Variants in MAPK11 observed in about 807,000 individuals in gnomAD.
MAPK11 encodes MAP kinase 11.
In MAPK11, 44 loss-of-function variants were observed where a neutral mutation model predicts 52.2. That is an observed-to-expected ratio of 0.84 (90% CI 0.66 to 1.08). The LOEUF (loss-of-function observed/expected upper bound fraction) is 1.08, where lower values mean the gene tolerates loss of function less well. Ranked by LOEUF, MAPK11 falls within the 50% of genes least tolerant of loss-of-function variation. The probability of loss-of-function intolerance (pLI) is 0.00; values close to 1 mark genes in which losing one functional copy is unlikely to be tolerated. For missense variants in MAPK11, 436 were observed against 494.7 expected, an observed-to-expected ratio of 0.88 and a Z score of 1.13; for synonymous variants, 233 against 206.3, an observed-to-expected ratio of 1.13 and a Z score of -1.11.
At chr22:50,266,467 G>A (rs2065262783) in intron 8 of MAPK11, 73 bp downstream of exon 8, 1 of 1,453,940 alleles carries the variant, frequency 6.9e-7, no homozygotes, top group African/African-American at 1.4e-5. Flanking sequence ...CCCGCCAGAA[G>A]GGGCCAGCGC....
At chr22:50,266,514 T>G in intron 8 of MAPK11, 26 bp downstream of exon 8, 1 of 1,514,058 alleles carries the variant, frequency 6.6e-7, no homozygotes, top group Non-Finnish European at 8.8e-7. Flanking sequence ...TGTTTGACCC[T>G]GCTCCCCAAC....
chr22:50,268,069 G>C, intron 1 of MAPK11, 120 bp from the exon 2 acceptor site: 13 of 1,031,804 alleles, frequency 1.3e-5, no homozygotes, highest in African/African-American at 1.7e-5. Context: ...GGGCTTTTCT[G>C]CCCCGGCCCC....
chr22:50,266,138 T>C, intron 9 of MAPK11, 88 bp downstream of exon 9: 1 of 1,076,694 alleles, frequency 9.3e-7, no homozygotes, highest in Non-Finnish European at 1.3e-6. Flanking sequence ...CCCCATATGG[T>C]CCCCGCATTT....
In MAPK11 at chr22:50,266,987, C is replaced by G; in HGVS notation, c.557G>C (p.Arg186Pro). Reference sequence around the variant, plus strand: ...CATGATCTCAGGTGCCCGGTACCAGCGCGTGGCCACATAGCCGGTCATCTC... The same window carrying G: ...CATGATCTCAGGTGCCCGGTACCAGGGCGTGGCCACATAGCCGGTCATCTC... ...DEEMTGYVAT[R>P]WYRAPEIMLN... The change falls in exon 7 of 12, where the codon CGC becomes CCC. Residue 186 changes from arginine to proline, a missense_variant. Transcript: ENST00000330651. The G allele has an allele frequency of 6.2e-7, 1 of 1,612,466 alleles. No homozygotes were observed. Among genetic ancestry groups the G allele is most frequent in the Non-Finnish European group, 8.5e-7 (1 of 1,179,974 alleles).
intron 2 of MAPK11, 33 bp from the exon 3 acceptor site, chr22:50,267,660 G>GA: frequency 1.3e-6 from 2 of 1,512,662 alleles, no homozygotes; most frequent in Non-Finnish European, 1.8e-6. Context: ...GCCGGGCGAC[G>GA]AACCCCCGGC....
At chr22:50,266,885 G>A (rs547886195) in intron 7 of MAPK11, 49 bp downstream of exon 7, 1 of 1,541,948 alleles carries the variant, frequency 6.5e-7, no homozygotes, top group East Asian at 2.2e-5. Context: ...CCAGTCGAGG[G>A]CCAGACGAGG....
chr22:50,267,957 G>A lies in MAPK11; in HGVS notation c.117-8C>T. On this transcript the variant is annotated splice_region_variant and splice_polypyrimidine_tract_variant and intron_variant, in intron 1 of 11. Coordinates refer to ENST00000330651, the MANE Select transcript of MAPK11 (RefSeq NM_002751.7). ...CGGGCGTCGTAGGCCGAACTGGAAG[G>A]CGGGCGAGTGAGGCGGCGCCGGGAG... 6.5e-7 allele frequency: 1 copy of A among 1,546,412 alleles called. No homozygotes were observed.
At chr22:50,266,342 G>A in intron 8 of MAPK11, 37 bp from the exon 9 acceptor site, 2 of 1,573,242 alleles carry the variant, frequency 1.3e-6, no homozygotes, top group East Asian at 2.3e-5. Flanking sequence ...GCCAGCCACA[G>A]ACCCCTCCTG....
rs2065260395 is a variant in MAPK11 at position 50,266,175 on chromosome 22, C to G, written c.762+51G>C. The stretch of plus-strand genomic sequence containing the variant: ...CACACCACCCTCTCCCCCAGAGAGC[C>G]TGGGGGCTCAGCCAGGAGAGGGAGC... On this transcript the variant is annotated intron_variant, in intron 9 of 11. Transcript: ENST00000330651. The G allele has an allele frequency of 2.1e-6, 3 of 1,454,162 alleles. No individual in the cohort carries two copies. In the East Asian group the frequency reaches 7.3e-5, roughly 35 times the overall value. The allele number at this position is 1,454,162 out of a possible 1,614,324, so 90.1% of individuals were successfully genotyped here. A position where few individuals can be genotyped will look rare whatever the true frequency, so the allele number is the denominator to read the frequency against.
In MAPK11 at chr22:50,267,260, GT is replaced by G. The variant is rs2065270724; in HGVS notation, c.443del (p.His148ProfsTer4). ...CTCACCCTGCGGTCGCACCTACCCG[GT>G]GGATGATCCCGGCCGAGTGGATGTA... ...LKYIHSAGIIHRDLKPSNVAV... is the reference protein window; with the variant it reads ...LKYIHSAGIIXRDLKPSNVAV... On this transcript the variant is annotated frameshift_variant, in exon 5 of 12. Coordinates refer to ENST00000330651, the MANE Select transcript of MAPK11 (RefSeq NM_002751.7). LOFTEE classifies it high-confidence loss of function. 6.2e-7 allele frequency: 1 copy of G among 1,606,206 alleles called. No homozygotes were observed. Among genetic ancestry groups the G allele is most frequent in the Admixed American group, 1.7e-5 (1 of 59,188 alleles).
Position 50,264,995 on chromosome 22 carries a change from G to A in MAPK11, c.1048C>T (p.Pro350Ser). Reference sequence around the variant, plus strand: ...CCAGGTGGCTTCGGTGGCTCTGGGGGCTTGAAGCTGAGGACTTCCTGGTAA... The same window carrying A: ...CCAGGTGGCTTCGGTGGCTCTGGGGACTTGAAGCTGAGGACTTCCTGGTAA... ...LTYQEVLSFK[P>S]PEPPKPPGSL... Residue 350 changes from proline to serine, a missense_variant, in exon 12 of 12, where the codon CCC becomes TCC. Transcript: ENST00000330651. 1.2e-6 allele frequency: 2 copies of A among 1,613,302 alleles called. No homozygotes were observed. Among genetic ancestry groups the A allele is most frequent in the Non-Finnish European group, 8.5e-7 (1 of 1,179,808 alleles).
intron 1 of MAPK11, among the ~76,000 whole-genome samples, chr22:50,268,912 G>A (rs1302934585): frequency 6.6e-6 from 1 of 152,074 alleles, no homozygotes; most frequent in Non-Finnish European, 1.5e-5. Flanking sequence ...GGTGGTGAGG[G>A]GAGTGGCCCT....
At chr22:50,266,461 C>T (rs1015175236) in intron 8 of MAPK11, 79 bp downstream of exon 8, 5 of 1,434,710 alleles carry the variant, frequency 3.5e-6, no homozygotes, top group African/African-American at 1.4e-5. Flanking sequence ...GCAAGACCCG[C>T]CAGAAGGGGC....
At chr22:50,266,372 T>C (rs2065262086) in intron 8 of MAPK11, 67 bp from the exon 9 acceptor site, 1 of 1,502,814 alleles carries the variant, frequency 6.7e-7, no homozygotes, top group East Asian at 2.4e-5. Context: ...ACCCAAAACT[T>C]TGGGGCGCTG....
chr22:50,266,168 A>C, intron 9 of MAPK11, 58 bp downstream of exon 9: 1 of 1,400,078 alleles, frequency 7.1e-7, no homozygotes, highest in Non-Finnish European at 9.8e-7. Flanking sequence ...CCTCTCCCCC[A>C]GAGAGCCTGG....
At chr22:50,265,213 C>T (rs538164170) in intron 11 of MAPK11, 108 bp downstream of exon 11, 23 of 1,459,138 alleles carry the variant, frequency 1.6e-5, no homozygotes, top group East Asian at 1.1e-4. Flanking sequence ...GACACCTGAA[C>T]GCCCTTCCAC....
chr22:50,267,731 C>G, intron 2 of MAPK11, 89 bp downstream of exon 2: 1 of 1,433,432 alleles, frequency 7.0e-7, no homozygotes, highest in Non-Finnish European at 9.2e-7. Flanking sequence ...TGTGTCCCCG[C>G]CCCCATCGCC....
At chr22:50,269,701 A>AG (rs2065292838) in intron 1 of MAPK11, among the ~76,000 whole-genome samples, 1 of 152,086 alleles carries the variant, frequency 6.6e-6, no homozygotes, top group Non-Finnish European at 1.5e-5. Flanking sequence ...AGGCCATCCC[A>AG]GGGGGAGAGA....
rs9617050 is a variant in MAPK11, at chr22:50,270,302, A to G, written c.-10T>C. ...CGCGAGGGCCCGACATGTCCGGAGC[A>G]GCCGCCGCTCCGCCCGGGCCCAGCC... On this transcript the variant is annotated 5_prime_UTR_variant, in exon 1 of 12. Transcript: ENST00000330651. This position sits in a 1 kb window ranked among gnomAD's most constrained non-coding sequence, Gnocchi z 6.3. 0.47 allele frequency: 580,468 copies of G among 1,232,912 alleles called. 138,475 individuals are homozygous for G. Among genetic ancestry groups the G allele is most frequent in the African/African-American group, 0.56 (35,364 of 62,890 alleles). 76.4% of individuals were successfully genotyped at this position (1,232,912 alleles called of 1,614,324 possible).
Sources: allele counts gnomAD v4.1 joint callset (sites outside exome capture counted in the v4.1 genomes callset), GRCh38; gene constraint gnomAD v4.1.1; non-coding constraint Gnocchi (gnomAD v3.1); transcripts MANE v1.5; gene names NCBI Gene and HGNC (gene_info 2026-07-23, HGNC 2026-07-21).